Variants in COL22A1 observed in about 807,000 individuals in gnomAD.
COL22A1 encodes collagen type XXII alpha 1 chain.
A neutral mutation model predicts 248.9 loss-of-function variants in COL22A1; 221 were observed. The ratio of observed to expected loss-of-function variants is 0.89; its 90% CI spans 0.80 to 0.99. COL22A1 has a LOEUF of 0.99. Among genes scored for constraint, COL22A1 ranks in the 50% least tolerant of loss-of-function variants. The pLI is 0.00. For synonymous variants in COL22A1, 891 were observed against 793.4 expected (o/e 1.12, Z -2.07); for missense variants, 2,240 against 2,179.0 (o/e 1.03, Z -0.56).
At chr8:138,664,059 C>T (rs1245681964) in intron 41 of COL22A1, among the ~76,000 whole-genome samples, 2 of 151,654 alleles carry the variant, frequency 1.3e-5, no homozygotes, top group Non-Finnish European at 2.9e-5. Flanking sequence ...CCCCGACTTC[C>T]CTGTATTACA....
In COL22A1 at chr8:138,734,671, C is replaced by G. The variant is rs186395844; in HGVS notation, c.2139+2853G>C. On this transcript the variant is annotated intron_variant, in intron 23 of 64. Coordinates refer to ENST00000303045, the MANE Select transcript of COL22A1 (RefSeq NM_152888.3). ...ACCATTTGACCCAGCAATCCCATTA[C>G]TGGGTATATACCCAAAGGATTATAA... is the stretch of plus-strand genomic sequence containing the variant. 2.5e-3 allele frequency among the ~76,000 whole-genome samples: 388 copies of G among 152,334 alleles called. 1 individual carries two copies. Among genetic ancestry groups the G allele is most frequent in the African/African-American group, 8.9e-3 (370 of 41,572 alleles).
chr8:138,883,591 G>A (rs529506359), intron 1 of COL22A1, among the ~76,000 whole-genome samples: 3 of 152,298 alleles, frequency 2.0e-5, no homozygotes, highest in South Asian at 2.1e-4. Context: ...CCCACGTGTC[G>A]AGGGAGGGAC....
chr8:138,759,884 G>C (rs1833308848), intron 18 of COL22A1, among the ~76,000 whole-genome samples: 1 of 152,008 alleles, frequency 6.6e-6, no homozygotes, highest in African/African-American at 2.4e-5. Flanking sequence ...GTTTTTGTAA[G>C]ATTTTTTAAT....
Position 138,761,905 on chromosome 8 carries a change from C to T in COL22A1, c.1857+508G>A, listed in dbSNP as rs77748504. ...GTAAGTCACCAGATGCATTTTCCCC[C>T]GACACCATTCCCAACACTTTTCTTT... On this transcript the variant is annotated intron_variant, in intron 17 of 64. Transcript: ENST00000303045. Among the ~76,000 whole-genome samples the T allele has an allele frequency of 0.011, 1,654 of 152,224 alleles. 69 individuals carry two copies. The East Asian group carries it at 0.12, about 11-fold the overall frequency.
chr8:138,602,114 C>A lies in COL22A1; in HGVS notation c.4185+1G>T. 1.2e-6 allele frequency: 2 copies of A among 1,614,142 alleles called. No individual in the cohort carries two copies. Among genetic ancestry groups the A allele is most frequent in the Non-Finnish European group, 1.7e-6 (2 of 1,180,030 alleles). Reference sequence around the variant, plus strand: ...TCAAGGTGCCTGTGCTCTCCACTCACCCTTTCTCCTTTGAATCCAGGCTCT... The same window carrying A: ...TCAAGGTGCCTGTGCTCTCCACTCAACCTTTCTCCTTTGAATCCAGGCTCT... On this transcript the variant is annotated splice_donor_variant, in intron 60 of 64. Coordinates refer to ENST00000303045, the MANE Select transcript of COL22A1 (RefSeq NM_152888.3). LOFTEE classifies it high-confidence loss of function.
At chr8:138,704,855 C>A (rs1369892239) in intron 30 of COL22A1, among the ~76,000 whole-genome samples, 1 of 152,150 alleles carries the variant, frequency 6.6e-6, no homozygotes, top group Non-Finnish European at 1.5e-5. Flanking sequence ...GATGTTCGAA[C>A]CCATTGCAAA....
chr8:138,623,542 C>T (rs1191022284), intron 52 of COL22A1, among the ~76,000 whole-genome samples, 190 bp downstream of exon 52: 2 of 152,056 alleles, frequency 1.3e-5, no homozygotes, highest in African/African-American at 2.4e-5. Context: ...TTCACCTCCC[C>T]GAGGCCCAGG....
intron 1 of COL22A1, among the ~76,000 whole-genome samples, chr8:138,906,527 T>G (rs1815036546): frequency 6.6e-6 from 1 of 152,178 alleles, no homozygotes. Flanking sequence ...TGAGTTGAAG[T>G]GTCTCAACTG....
At chr8:138,599,304 G>A (rs1312622134) in intron 60 of COL22A1, among the ~76,000 whole-genome samples, 5 of 151,830 alleles carry the variant, frequency 3.3e-5, no homozygotes, top group African/African-American at 1.2e-4. Context: ...GTGAAACCCC[G>A]TCTCTACTAA....
chr8:138,717,140 A>T (rs945920474), intron 27 of COL22A1, among the ~76,000 whole-genome samples: 66 of 151,552 alleles, frequency 4.4e-4, no homozygotes, highest in African/African-American at 1.4e-3. Context: ...TTATTTTTTA[A>T]TTTTTTTTTA....
intron 18 of COL22A1, among the ~76,000 whole-genome samples, chr8:138,756,425 C>T (rs967556088): frequency 2.0e-5 from 3 of 152,210 alleles, no homozygotes; most frequent in Non-Finnish European, 4.4e-5. Flanking sequence ...GATGTTCCAG[C>T]GTGTGCGCTA....
chr8:138,660,344 TAA>T, intron 44 of COL22A1, 90 bp downstream of exon 44: 1 of 1,123,732 alleles, frequency 8.9e-7, no homozygotes, highest in Non-Finnish European at 1.3e-6. Context: ...GTTCCTTTGT[TAA>T]AACCTCTTGA....
chr8:138,734,275 C>T (rs1221083432), intron 23 of COL22A1, among the ~76,000 whole-genome samples: 1 of 152,224 alleles, frequency 6.6e-6, no homozygotes, highest in Non-Finnish European at 1.5e-5. Context: ...CCTCCTCTAT[C>T]TGTGTCTCTT....
chr8:138,886,870 T>G (rs2132089841), intron 1 of COL22A1, among the ~76,000 whole-genome samples: 1 of 152,326 alleles, frequency 6.6e-6, no homozygotes, highest in Admixed American at 6.5e-5. Context: ...CTTTCCATGC[T>G]GGGGATGTTT....
chr8:138,681,233 G>A (rs910912395), intron 39 of COL22A1, among the ~76,000 whole-genome samples: 2 of 152,112 alleles, frequency 1.3e-5, no homozygotes, highest in Non-Finnish European at 2.9e-5. Context: ...AACTGTGACC[G>A]GCACTATGCT....
intron 37 of COL22A1, among the ~76,000 whole-genome samples, chr8:138,686,997 TC>T (rs761351470): frequency 2.0e-5 from 3 of 152,204 alleles, no homozygotes; most frequent in Non-Finnish European, 4.4e-5. Flanking sequence ...CACTCTGTCA[TC>T]CAGACTGGAG....
chr8:138,848,417 G>A (rs556728531), intron 3 of COL22A1, among the ~76,000 whole-genome samples: 1 of 152,256 alleles, frequency 6.6e-6, no homozygotes, highest in East Asian at 1.9e-4. Flanking sequence ...CGAATTTACT[G>A]TGGTCTTCCT....
chr8:138,591,739 TAAAC>T lies in COL22A1; in HGVS notation c.4616-242_4616-239del, dbSNP rs549592469. 2.4e-4 allele frequency among the ~76,000 whole-genome samples: 37 copies of T among 152,204 alleles called. No individual in the cohort carries two copies. In the South Asian group the frequency reaches 4.8e-3, roughly 20 times the overall value. Reference sequence around the variant, plus strand: ...AAGTATGCACATGGAATCACCAAAATAAACAAACACTCCCTCCTAAACACATATC... The same window carrying T: ...AAGTATGCACATGGAATCACCAAAATAAACACTCCCTCCTAAACACATATC... On this transcript the variant is annotated intron_variant, in intron 63 of 64. Coordinates refer to ENST00000303045, the MANE Select transcript of COL22A1 (RefSeq NM_152888.3).
Position 138,718,755 on chromosome 8 carries a change from T to A in COL22A1, c.2356-1886A>T, listed in dbSNP as rs62527956. 7.5e-3 allele frequency among the ~76,000 whole-genome samples: 1,140 copies of A among 152,344 alleles called. 7 individuals carry two copies. Among genetic ancestry groups the A allele is most frequent in the Non-Finnish European group, 0.012 (791 of 68,032 alleles). On this transcript the variant is annotated intron_variant, in intron 27 of 64. Coordinates refer to ENST00000303045, the MANE Select transcript of COL22A1 (RefSeq NM_152888.3). Reference sequence around the variant, plus strand: ...TTCAGTTTTAAACTTTTCAGAGAAATGTTTTGAACACAGAGCCTTAGAAAT... The same window carrying A: ...TTCAGTTTTAAACTTTTCAGAGAAAAGTTTTGAACACAGAGCCTTAGAAAT...
Sources: allele counts gnomAD v4.1 joint callset (sites outside exome capture counted in the v4.1 genomes callset), GRCh38; gene constraint gnomAD v4.1.1; transcripts MANE v1.5; gene names NCBI Gene and HGNC (gene_info 2026-07-23, HGNC 2026-07-21).